Variants in TTLL5 observed in about 807,000 individuals in gnomAD.
The protein encoded by TTLL5 is tubulin polyglutamylase TTLL5.
TTLL5 carries 132 observed loss-of-function variants against 168.4 expected under a neutral mutation model. The observed-to-expected ratio is 0.78, with a 90% confidence interval of 0.68 to 0.91. The LOEUF (loss-of-function observed/expected upper bound fraction) is 0.91. Ranked by LOEUF, TTLL5 falls within the 40% of genes least tolerant of loss-of-function variation. The pLI, the probability that TTLL5 is intolerant of heterozygous loss-of-function variation, is 0.00. For missense variants in TTLL5, 1,545 were observed against 1,581.5 expected (o/e 0.98, Z 0.39); for synonymous variants, 546 against 558.6 (o/e 0.98, Z 0.32).
At chr14:75,662,605 C>T (rs983197116) in intron 1 of TTLL5, among the ~76,000 whole-genome samples, 14 of 151,378 alleles carry the variant, frequency 9.2e-5, no homozygotes, top group Admixed American at 2.0e-4. Flanking sequence ...TCCCAAAGTA[C>T]TGGGATTACA....
chr14:75,861,721 TAAA>T (rs1381264236), intron 28 of TTLL5, among the ~76,000 whole-genome samples: 1 of 152,012 alleles, frequency 6.6e-6, no homozygotes, highest in African/African-American at 2.4e-5. Context: ...TCACTGTACC[TAAA>T]AAGGAAAAGA....
intron 29 of TTLL5, among the ~76,000 whole-genome samples, chr14:75,874,853 T>C (rs959606289): frequency 1.3e-5 from 2 of 151,640 alleles, no homozygotes; most frequent in Non-Finnish European, 2.9e-5. Flanking sequence ...CATGTACATA[T>C]GGTATTTCAA....
At chr14:75,778,153 A>T (rs1891829822) in intron 23 of TTLL5, among the ~76,000 whole-genome samples, 1 of 152,208 alleles carries the variant, frequency 6.6e-6, no homozygotes, top group African/African-American at 2.4e-5. Flanking sequence ...ACTAAAAATG[A>T]ATTATAACAT....
chr14:75,934,299 C>G (rs2034368604), intron 31 of TTLL5, among the ~76,000 whole-genome samples: 1 of 152,190 alleles, frequency 6.6e-6, no homozygotes, highest in Non-Finnish European at 1.5e-5. Flanking sequence ...AAAAGGCTGC[C>G]TGCCATACTA....
intron 31 of TTLL5, among the ~76,000 whole-genome samples, chr14:75,946,967 T>C (rs534395659): frequency 8.5e-5 from 13 of 152,192 alleles, no homozygotes; most frequent in Non-Finnish European, 1.3e-4. Context: ...GGAGCTGTCA[T>C]GTTGCACGAG....
intron 27 of TTLL5, among the ~76,000 whole-genome samples, chr14:75,798,106 C>T (rs971512226): frequency 6.6e-6 from 1 of 151,874 alleles, no homozygotes; most frequent in Admixed American, 6.6e-5. Flanking sequence ...TTTTAAATTG[C>T]CATTTCAATA....
chr14:75,941,439 T>C (rs1196641957), intron 31 of TTLL5: 1 of 152,218 alleles, frequency 6.6e-6, no homozygotes, highest in Non-Finnish European at 1.5e-5. Flanking sequence ...TGCCAGAAGA[T>C]ACTACCAGGG....
At chr14:75,675,339 TA>T (rs1270287734) in intron 3 of TTLL5, among the ~76,000 whole-genome samples, 1 of 152,244 alleles carries the variant, frequency 6.6e-6, no homozygotes, top group Admixed American at 6.5e-5. Flanking sequence ...TTTCCCATGC[TA>T]TTTTTGTTTA....
intron 27 of TTLL5, among the ~76,000 whole-genome samples, chr14:75,806,621 A>G (rs1256545534): frequency 6.6e-6 from 1 of 152,192 alleles, no homozygotes; most frequent in Non-Finnish European, 1.5e-5. Context: ...GGCTCAGTGT[A>G]GATGCCACTT....
At chr14:75,822,987 G>A (rs772300703) in intron 28 of TTLL5, among the ~76,000 whole-genome samples, 8 of 152,156 alleles carry the variant, frequency 5.3e-5, no homozygotes, top group Non-Finnish European at 1.0e-4. Flanking sequence ...ACTTTTCAGA[G>A]GTAATAAGTG....
intron 9 of TTLL5, chr14:75,709,216 A>C (rs1201936100): frequency 1.3e-6 from 1 of 762,566 alleles, no homozygotes; most frequent in Admixed American, 1.7e-5. Flanking sequence ...CATGGATAAA[A>C]GAAGGCTACC....
At chr14:75,732,090 G>A in intron 12 of TTLL5, 1 of 297,594 alleles carries the variant, frequency 3.4e-6, no homozygotes. Flanking sequence ...GTAGGATTTA[G>A]GAACATCAAT....
At position 75,792,873 on chromosome 14, in the gene TTLL5, C is replaced by T. The variant is rs201143534; in HGVS notation, c.2987-43C>T. 3.3e-6 allele frequency: 5 copies of T among 1,492,594 alleles called. No homozygotes were observed. The Admixed American group carries it at 6.3e-5, about 19-fold the overall frequency. The allele number at this position is 1,492,594 out of a possible 1,614,324, so 92.5% of individuals were successfully genotyped here. ...GTCATTATCCTAATTTTTTTCAGGC[C>T]TTTTTTTCCTAAATGAGTGAAAACT... is the stretch of plus-strand genomic sequence containing the variant. On this transcript the variant is annotated intron_variant, in intron 26 of 31. Transcript: ENST00000298832.
intron 18 of TTLL5, among the ~76,000 whole-genome samples, chr14:75,753,865 T>C (rs868231397): frequency 6.6e-6 from 1 of 152,198 alleles, no homozygotes; most frequent in Non-Finnish European, 1.5e-5. Flanking sequence ...TTAGATACTT[T>C]GCCAGGATGT....
At chr14:75,744,298 T>A (rs936539866) in intron 15 of TTLL5, 1 of 152,308 alleles carries the variant, frequency 6.6e-6, no homozygotes, top group Non-Finnish European at 1.5e-5. Context: ...ATTATTATGC[T>A]TTTATACTGA....
At chr14:75,708,115 C>A (rs1292888962) in intron 9 of TTLL5, among the ~76,000 whole-genome samples, 1 of 152,158 alleles carries the variant, frequency 6.6e-6, no homozygotes, top group African/African-American at 2.4e-5. Flanking sequence ...ATATGCCAGG[C>A]ATTTATTTTC....
In TTLL5 at chr14:75,663,171, G is replaced by C; in HGVS notation, c.22G>C (p.Asp8His). The C allele has an allele frequency of 1.2e-6, 2 of 1,613,706 alleles. No homozygotes were observed. Among genetic ancestry groups the C allele is most frequent in the Non-Finnish European group, 1.7e-6 (2 of 1,179,910 alleles). Reference sequence around the variant, plus strand: ...GGAAATGCCAATCGTGATGGCCCGGGACCTGGAGGAAACAGCATCATCCTC... The same window carrying C: ...GGAAATGCCAATCGTGATGGCCCGGCACCTGGAGGAAACAGCATCATCCTC... MPIVMAR[D>H]LEETASSSED... The change falls in exon 2 of 32, where the codon GAC (aspartate) becomes CAC (histidine). Residue 8 changes from aspartate (D) to histidine (H), a missense_variant. Asp to His is a moderately conservative substitution (Grantham distance 81). Transcript: ENST00000298832.
At chr14:75,891,457 A>T (rs1343942478) in intron 30 of TTLL5, among the ~76,000 whole-genome samples, 2 of 152,218 alleles carry the variant, frequency 1.3e-5, no homozygotes, top group Non-Finnish European at 2.9e-5. Flanking sequence ...GTTTTGCTCA[A>T]CATTGCCCTA....
intron 31 of TTLL5, among the ~76,000 whole-genome samples, chr14:75,933,742 A>G (rs1475727273): frequency 1.3e-5 from 2 of 152,234 alleles, no homozygotes; most frequent in East Asian, 3.9e-4. Context: ...ACCTCAGAAT[A>G]TGACTGTATG....
Sources: allele counts gnomAD v4.1 joint callset (sites outside exome capture counted in the v4.1 genomes callset), GRCh38; gene constraint gnomAD v4.1.1; transcripts MANE v1.5; gene names NCBI Gene and HGNC (gene_info 2026-07-23, HGNC 2026-07-21).